The following FYN variants were observed in gnomAD, a reference collection of about 807,000 sequenced individuals.
FYN encodes the protein FYN proto-oncogene, Src family tyrosine kinase, also known as tyrosine-protein kinase Fyn.
Under a neutral mutation model 70.2 loss-of-function variants are expected in FYN, and 10 were observed. The observed-to-expected ratio is 0.14, with a 90% confidence interval of 0.09 to 0.24. The LOEUF (loss-of-function observed/expected upper bound fraction) is 0.24. Among genes scored for constraint, FYN ranks in the 10% least tolerant of loss-of-function variants. FYN has a pLI of 1.00. For missense variants in FYN, 319 were observed against 673.1 expected (o/e 0.47, Z 5.82); for synonymous variants, 236 against 248.6 (o/e 0.95, Z 0.48).
intron 12 of FYN, among the ~76,000 whole-genome samples, chr6:111,678,991 T>C (rs1370373887): frequency 6.6e-6 from 1 of 152,184 alleles, no homozygotes; most frequent in Non-Finnish European, 1.5e-5. Flanking sequence ...TGGGTTTCTA[T>C]AGTAGCCTTC....
intron 3 of FYN, among the ~76,000 whole-genome samples, chr6:111,780,281 G>C (rs962809534): frequency 2.0e-4 from 31 of 152,138 alleles, no homozygotes; most frequent in African/African-American, 7.5e-4. Flanking sequence ...GGCTGGCTTA[G>C]CACATAAACT....
intron 2 of FYN, chr6:111,814,194 C>T (rs1415607700): frequency 6.6e-6 from 1 of 152,090 alleles, no homozygotes; most frequent in Non-Finnish European, 1.5e-5. Flanking sequence ...AAACAGTATT[C>T]CTATTCAACA....
intron 4 of FYN, among the ~76,000 whole-genome samples, chr6:111,716,792 T>C (rs1162802011): frequency 6.6e-6 from 1 of 151,584 alleles, no homozygotes; most frequent in Non-Finnish European, 1.5e-5. Flanking sequence ...AATTTTTTTT[T>C]TTTTTTTTTG....
At chr6:111,798,518 A>C (rs1433364803) in intron 2 of FYN, 2 of 151,504 alleles carry the variant, frequency 1.3e-5, no homozygotes, top group African/African-American at 4.9e-5. Flanking sequence ...CAGGGGGTCA[A>C]ACTGGGTCCC....
At position 111,773,178 on chromosome 6, in the gene FYN, A is replaced by G. The variant is rs1227118530; in HGVS notation, c.-12+7388T>C. On this transcript the variant is annotated intron_variant, in intron 3 of 13. Coordinates refer to ENST00000354650, the MANE Select transcript of FYN (RefSeq NM_002037.5). ...TGGTGAATTTAGGCAGAGGACATAA[A>G]GTGTTTGTTTTACAATTCTCCCAAC... Among the ~76,000 whole-genome samples the G allele has an allele frequency of 3.3e-5, 5 of 150,770 alleles. No individual in the cohort carries two copies. In the South Asian group the frequency reaches 1.1e-3, roughly 32 times the overall value.
At chr6:111,777,802 GAC>G (rs545751626) in intron 3 of FYN, among the ~76,000 whole-genome samples, 177 of 152,288 alleles carry the variant, frequency 1.2e-3, no homozygotes, top group Non-Finnish European at 2.1e-3. Context: ...CGGAATCTGT[GAC>G]ACAGCACTGC....
chr6:111,709,550 T>A (rs1047130681), intron 5 of FYN, among the ~76,000 whole-genome samples: 1 of 152,246 alleles, frequency 6.6e-6, no homozygotes, highest in Non-Finnish European at 1.5e-5. Context: ...TAAAACCTTA[T>A]GCTTTAATTT....
chr6:111,814,714 C>T lies in FYN; in HGVS notation c.-82+31875G>A, dbSNP rs9372312. ...TTAAAAATATCTATTTGGTCTGAGC[C>T]TTCAAAACAACTCCATACTTGTTCT... On this transcript the variant is annotated intron_variant, in intron 2 of 13. Coordinates refer to ENST00000354650, the MANE Select transcript of FYN (RefSeq NM_002037.5). 1.9e-3 allele frequency among the ~76,000 whole-genome samples: 290 copies of T among 152,214 alleles called. 7 individuals are homozygous for T. In the East Asian group the frequency reaches 0.053, roughly 28 times the overall value.
rs57984132 is a variant in FYN at position 111,797,665 on chromosome 6, CATATATATATAT to C, written c.-81-17042_-81-17031del. On this transcript the variant is annotated intron_variant, in intron 2 of 13. Coordinates refer to ENST00000354650, the MANE Select transcript of FYN (RefSeq NM_002037.5). ...AGCAACAAGCTCAAAATCAAAGTTT[CATATATATATAT>C]ATATATATATATATATATATATATA... Among the ~76,000 whole-genome samples, 645 of 90,868 alleles carry C rather than the reference CATATATATATAT, an allele frequency of 7.1e-3. 16 individuals carry two copies. The highest frequency in any genetic ancestry group is 0.06 in the East Asian group (195 of 3,238). The allele number at this position is 90,868 out of a possible 152,430, so 59.6% of individuals were successfully genotyped here.
intron 3 of FYN, among the ~76,000 whole-genome samples, chr6:111,775,883 C>T (rs1474009626): frequency 1.3e-5 from 2 of 152,108 alleles, no homozygotes; most frequent in African/African-American, 2.4e-5. Flanking sequence ...GGATTCTCCG[C>T]CTTTAACTCT....
chr6:111,750,124 C>A (rs2128486059), intron 3 of FYN, among the ~76,000 whole-genome samples: 1 of 152,304 alleles, frequency 6.6e-6, no homozygotes, highest in African/African-American at 2.4e-5. Context: ...TCCATTCTGA[C>A]TTTCTGCAAC....
At chr6:111,708,190 G>T (rs1800193040) in intron 5 of FYN, 170 bp from the exon 6 acceptor site, 2 of 567,998 alleles carry the variant, frequency 3.5e-6, no homozygotes, top group African/African-American at 1.9e-5. Context: ...AGGTCAGAAG[G>T]TTCCAGTTCG....
chr6:111,862,663 C>G (rs1773995642), intron 1 of FYN, among the ~76,000 whole-genome samples: 1 of 152,184 alleles, frequency 6.6e-6, no homozygotes, highest in South Asian at 2.1e-4. Context: ...CTAGTCTAAG[C>G]TAAAGTAGTA....
At chr6:111,716,041 C>T (rs765174158) in intron 4 of FYN, among the ~76,000 whole-genome samples, 17 of 152,298 alleles carry the variant, frequency 1.1e-4, no homozygotes, top group Non-Finnish European at 2.4e-4. Flanking sequence ...TATTAAAGCT[C>T]TTTTATTAAG....
In FYN at chr6:111,694,671, C is replaced by G; in HGVS notation, c.1076G>C (p.Gly359Ala). ...AAGATTTGGTAATTTCAGAGCTCTT[C>G]CTTCTCCATCTTTTAAGAAATCCAG... is the stretch of plus-strand genomic sequence containing the variant. Reference protein sequence around the residue: ...SLLDFLKDGEGRALKLPNLVD... With the variant: ...SLLDFLKDGEARALKLPNLVD... The change falls in exon 11 of 14, where the codon GGA becomes GCA. Residue 359 changes from glycine (G) to alanine (A), a missense_variant. Physicochemically the swap from Gly to Ala is moderately conservative, Grantham distance 60. Coordinates refer to ENST00000354650, the MANE Select transcript of FYN (RefSeq NM_002037.5). The surrounding 1 kb of genome is among the most constrained non-coding windows in gnomAD (Gnocchi z 5.0). 1 of 1,614,018 alleles carries G rather than the reference C, an allele frequency of 6.2e-7. No homozygotes were observed. Among genetic ancestry groups the G allele is most frequent in the Non-Finnish European group, 8.5e-7 (1 of 1,179,968 alleles).
At chr6:111,699,711 A>G (rs375078233) in intron 9 of FYN, 118 of 1,578,870 alleles carry the variant, frequency 7.5e-5, no homozygotes, top group Non-Finnish European at 9.8e-5. Flanking sequence ...CAGTCCTTAT[A>G]ATCCATAATT....
intron 2 of FYN, among the ~76,000 whole-genome samples, chr6:111,786,937 T>C (rs1304497193): frequency 6.6e-6 from 1 of 152,246 alleles, no homozygotes. Context: ...GTAAATTTAT[T>C]TGAGTTCTTT....
intron 1 of FYN, among the ~76,000 whole-genome samples, chr6:111,861,593 T>A (rs1039587359): frequency 2.6e-5 from 4 of 152,144 alleles, no homozygotes; most frequent in Non-Finnish European, 5.9e-5. Flanking sequence ...TTGGCCTACA[T>A]CCACAGAAAG....
At chr6:111,685,966 G>C (rs1343261205) in intron 12 of FYN, among the ~76,000 whole-genome samples, 1 of 152,176 alleles carries the variant, frequency 6.6e-6, no homozygotes, top group Non-Finnish European at 1.5e-5. Context: ...AGAGCTGCCC[G>C]AGGGTGGGAA....
Sources: gnomAD v4.1 joint callset for allele counts (sites outside exome capture counted in the v4.1 genomes callset) on GRCh38, gnomAD v4.1.1 for gene constraint, Gnocchi (gnomAD v3.1) non-coding constraint, MANE v1.5 for transcripts, NCBI Gene and HGNC (gene_info 2026-07-23, HGNC 2026-07-21) for gene names.